CTNNA3: variants seen among roughly 807,000 people sequenced by gnomAD.
CTNNA3 encodes the protein catenin alpha-3.
A neutral mutation model predicts 95.7 loss-of-function variants in CTNNA3; 76 were observed. That is an observed-to-expected ratio of 0.79 (90% CI 0.66 to 0.96). The LOEUF (loss-of-function observed/expected upper bound fraction) is 0.96. Ranked by LOEUF, CTNNA3 falls within the 40% of genes least tolerant of loss-of-function variation. The pLI, the probability that CTNNA3 is intolerant of heterozygous loss-of-function variation, is 0.00. For synonymous variants in CTNNA3, 431 were observed against 374.4 expected (o/e 1.15, Z -1.74); for missense variants, 1,191 against 1,089.8 (o/e 1.09, Z -1.31).
intron 7 of CTNNA3, among the ~76,000 whole-genome samples, chr10:66,964,888 G>T (rs965677605): frequency 6.6e-6 from 1 of 152,030 alleles, no homozygotes; most frequent in African/African-American, 2.4e-5. Context: ...ATTAAACCCT[G>T]ACTAATGTAA....
chr10:66,280,049 G>A (rs554468337), intron 13 of CTNNA3, among the ~76,000 whole-genome samples: 1 of 151,954 alleles, frequency 6.6e-6, no homozygotes, highest in African/African-American at 2.4e-5. Context: ...TTATGATCTA[G>A]GATGAGAGGG....
At chr10:67,227,410 T>C (rs953594026) in intron 5 of CTNNA3, among the ~76,000 whole-genome samples, 3 of 151,980 alleles carry the variant, frequency 2.0e-5, no homozygotes, top group Non-Finnish European at 4.4e-5. Flanking sequence ...GCTATTCTTA[T>C]ATCAGACAAA....
At chr10:67,441,246 A>C (rs1299003568) in intron 5 of CTNNA3, among the ~76,000 whole-genome samples, 3 of 151,122 alleles carry the variant, frequency 2.0e-5, no homozygotes, top group Non-Finnish European at 2.9e-5. Flanking sequence ...CTATAAGAAA[A>C]TATACAGTGA....
At chr10:66,800,786 GTCTTACAAGTAT>G (rs1484142449) in intron 7 of CTNNA3, among the ~76,000 whole-genome samples, 1 of 151,166 alleles carries the variant, frequency 6.6e-6, no homozygotes, top group African/African-American at 2.4e-5. Context: ...TTTATACATT[GTCTTACAAGTAT>G]TTTTATTTGC....
At chr10:67,359,849 G>A (rs962374703) in intron 5 of CTNNA3, among the ~76,000 whole-genome samples, 2 of 151,994 alleles carry the variant, frequency 1.3e-5, no homozygotes, top group East Asian at 3.9e-4. Flanking sequence ...GAAACTCAGA[G>A]AACCCTCATG....
chr10:66,502,844 T>C (rs1358916240), intron 11 of CTNNA3, among the ~76,000 whole-genome samples: 1 of 152,174 alleles, frequency 6.6e-6, no homozygotes, highest in African/African-American at 2.4e-5. Context: ...CCACATATTG[T>C]TATTTTGTTC....
chr10:67,563,220 C>A (rs919742542), intron 3 of CTNNA3, among the ~76,000 whole-genome samples: 2 of 151,810 alleles, frequency 1.3e-5, no homozygotes, highest in African/African-American at 2.4e-5. Flanking sequence ...GGAGGCATCA[C>A]ACTACCTGAC....
intron 7 of CTNNA3, among the ~76,000 whole-genome samples, chr10:66,960,940 A>G (rs1179089468): frequency 1.3e-5 from 2 of 152,168 alleles, no homozygotes; most frequent in Non-Finnish European, 2.9e-5. Context: ...AAGGACTACT[A>G]GTTAATCACA....
chr10:65,964,151 A>T (rs1181514136), intron 17 of CTNNA3, among the ~76,000 whole-genome samples: 1 of 152,180 alleles, frequency 6.6e-6, no homozygotes, highest in Non-Finnish European at 1.5e-5. Context: ...CTTATAGAAA[A>T]ATGATAGATT....
Position 66,350,738 on chromosome 10 carries a change from T to C in CTNNA3, c.1732+28414A>G, listed in dbSNP as rs2092560790. ...GAGATTCCAGTAGCTGAATGGTTTA[T>C]TTACATATTAAACACAAGTTGGAGG... On this transcript the variant is annotated intron_variant, in intron 12 of 17. Coordinates refer to ENST00000433211, the MANE Select transcript of CTNNA3 (RefSeq NM_013266.4). Among the ~76,000 whole-genome samples, 2 of 152,026 alleles carry C rather than the reference T, an allele frequency of 1.3e-5. 1 individual carries two copies. Among genetic ancestry groups the C allele is most frequent in the South Asian group, 4.1e-4 (2 of 4,830 alleles).
intron 9 of CTNNA3, among the ~76,000 whole-genome samples, chr10:66,706,668 C>A (rs10997322): frequency 0.032 from 4,904 of 152,010 alleles, 205 homozygotes; most frequent in East Asian, 0.22. Flanking sequence ...CCTGATAACA[C>A]TGGTAGAAAG....
At chr10:67,280,794 C>T (rs1839367157) in intron 5 of CTNNA3, among the ~76,000 whole-genome samples, 1 of 152,084 alleles carries the variant, frequency 6.6e-6, no homozygotes, top group Non-Finnish European at 1.5e-5. Flanking sequence ...TCAAAATTGC[C>T]TATATTTCCT....
chr10:66,608,834 C>T (rs999045625), intron 10 of CTNNA3, among the ~76,000 whole-genome samples: 1 of 152,022 alleles, frequency 6.6e-6, no homozygotes, highest in Non-Finnish European at 1.5e-5. Flanking sequence ...CCAATAAAAA[C>T]CCTGGAAGAC....
intron 7 of CTNNA3, among the ~76,000 whole-genome samples, chr10:67,059,733 T>C (rs1438917140): frequency 6.6e-6 from 1 of 152,054 alleles, no homozygotes; most frequent in African/African-American, 2.4e-5. Flanking sequence ...TGGAGAAAAA[T>C]CTGAAAATGC....
At chr10:67,309,624 C>T (rs973881822) in intron 5 of CTNNA3, among the ~76,000 whole-genome samples, 21 of 152,070 alleles carry the variant, frequency 1.4e-4, no homozygotes, top group African/African-American at 4.8e-4. Flanking sequence ...AGAAAGAAGT[C>T]GTTATTATGT....
At chr10:66,933,438 C>G (rs1847519636) in intron 7 of CTNNA3, among the ~76,000 whole-genome samples, 1 of 152,196 alleles carries the variant, frequency 6.6e-6, no homozygotes, top group Admixed American at 6.5e-5. Context: ...AGGACGTTTA[C>G]CTGTCCACTC....
intron 5 of CTNNA3, among the ~76,000 whole-genome samples, chr10:67,511,662 T>C (rs1005431425): frequency 2.0e-5 from 3 of 152,208 alleles, no homozygotes; most frequent in Non-Finnish European, 2.9e-5. Flanking sequence ...TTCTCTTTTT[T>C]TGTTGTGTCT....
chr10:66,219,853 G>A (rs1169445358), intron 13 of CTNNA3, among the ~76,000 whole-genome samples: 2 of 152,200 alleles, frequency 1.3e-5, no homozygotes, highest in African/African-American at 4.8e-5. Flanking sequence ...GCTGGGTGCA[G>A]TGGCTCACAC....
chr10:65,921,703 T>C (rs2077089207), intron 17 of CTNNA3, among the ~76,000 whole-genome samples: 1 of 152,238 alleles, frequency 6.6e-6, no homozygotes, highest in East Asian at 1.9e-4. Flanking sequence ...CTGCTTCTTC[T>C]GAGACTCCTG....
Sources: allele counts gnomAD v4.1 joint callset (sites outside exome capture counted in the v4.1 genomes callset), GRCh38; gene constraint gnomAD v4.1.1; transcripts MANE v1.5; gene names NCBI Gene and HGNC (gene_info 2026-07-23, HGNC 2026-07-21).